Variants in DNAAF6 observed in about 807,000 individuals in gnomAD.
DNAAF6 encodes dynein axonemal assembly factor 6.
Under a neutral mutation model 13.7 loss-of-function variants are expected in DNAAF6, and 3 were observed. The observed-to-expected ratio is 0.22, with a 90% CI of 0.10 to 0.56. The LOEUF is 0.56. DNAAF6 is among the 20% of genes least tolerant of loss of function. The pLI is 0.92. For synonymous variants in DNAAF6, 54 were observed against 49.2 expected, an observed-to-expected ratio of 1.10 and a Z score of -0.41; for missense variants, 130 against 151.0, an observed-to-expected ratio of 0.86 and a Z score of 0.73.
intron 2 of DNAAF6, among the ~76,000 whole-genome samples, chrX:107,214,501 C>G (rs1301941930): frequency 9.0e-6 from 1 of 110,975 alleles, no homozygotes; most frequent in Non-Finnish European, 1.9e-5. Flanking sequence ...TTATTTGCAT[C>G]TAGAGGTGTT....
At chrX:107,211,207 T>A (rs1472403721) in intron 1 of DNAAF6, among the ~76,000 whole-genome samples, 1 of 112,376 alleles carries the variant, frequency 8.9e-6, no homozygotes, top group Admixed American at 9.5e-5. Context: ...GAATGTTTTT[T>A]TCTAAAAATT....
chrX:107,207,421 G>GAGTA, intron 1 of DNAAF6: 2 of 111,473 alleles, frequency 1.8e-5, no homozygotes, highest in South Asian at 7.7e-4. Context: ...CTGATTGGGA[G>GAGTA]AGTAAGTATT....
chrX:107,214,596 TAATG>T (rs1927933788), intron 2 of DNAAF6, among the ~76,000 whole-genome samples: 1 of 111,737 alleles, frequency 8.9e-6, no homozygotes, highest in Non-Finnish European at 1.9e-5. Flanking sequence ...ATTACTATAA[TAATG>T]TATGATTCTG....
At chrX:107,212,179 G>T (rs771630983) in intron 1 of DNAAF6, among the ~76,000 whole-genome samples, 1 of 110,929 alleles carries the variant, frequency 9.0e-6, no homozygotes, top group Non-Finnish European at 1.9e-5. Flanking sequence ...AATTAATCTG[G>T]TTTTTCTGAA....
chrX:107,207,509 C>T (rs961309328), intron 1 of DNAAF6: 3 of 111,476 alleles, frequency 2.7e-5, no homozygotes, highest in African/African-American at 9.8e-5. Flanking sequence ...GGGAGAGAAC[C>T]TAGTTTGACC....
chrX:107,240,989 A>G (rs1460189244), intron 6 of DNAAF6, among the ~76,000 whole-genome samples: 3 of 112,196 alleles, frequency 2.7e-5, no homozygotes, highest in African/African-American at 9.7e-5. Flanking sequence ...TAGCTAAAAA[A>G]GAAGTTTTCT....
intron 5 of DNAAF6, among the ~76,000 whole-genome samples, chrX:107,235,632 C>A (rs376632692): frequency 6.5e-4 from 72 of 111,429 alleles, no homozygotes; most frequent in African/African-American, 2.2e-3. Context: ...CCTAGTCAAA[C>A]CTTCAGATGT....
At chrX:107,234,518 T>A (rs1453348269) in intron 5 of DNAAF6, among the ~76,000 whole-genome samples, 2 of 112,287 alleles carry the variant, frequency 1.8e-5, no homozygotes, top group Non-Finnish European at 3.8e-5. Flanking sequence ...AATCAAAATT[T>A]CCTAATATTG....
rs1928673645 is a variant in DNAAF6, at chrX:107,243,784, A to G, written c.*486A>G. On this transcript the variant is annotated 3_prime_UTR_variant, in exon 7 of 7. Transcript: ENST00000372453. ...AAAAAATTAGAATATTTCATGGTCA[A>G]TTACATAATTGAAATATGATCATGA... is the stretch of plus-strand genomic sequence containing the variant. The G allele has an allele frequency of 8.8e-6, 1 of 113,547 alleles. No individual in the cohort carries two copies. The highest frequency in any genetic ancestry group is 1.9e-5 in the Non-Finnish European group (1 of 53,683). The allele number at this position is 113,547 out of a possible 1,213,427, so 9.4% of individuals were successfully genotyped here.
In DNAAF6 at chrX:107,219,174, A is replaced by G. The variant is rs550373483; in HGVS notation, c.332+205A>G. On this transcript the variant is annotated intron_variant, in intron 4 of 6. Coordinates refer to ENST00000372453, the MANE Select transcript of DNAAF6 (RefSeq NM_173494.2). ...AAAGCATAACACCTTCCTTTCAGTT[A>G]CTATCTAGCAAAAATGAAAAATATA... Among the ~76,000 whole-genome samples, 76 of 111,684 alleles carry G rather than the reference A, an allele frequency of 6.8e-4. No individual in the cohort carries two copies. The South Asian group carries it at 0.026, about 38-fold the overall frequency.
rs182127013 is a variant in DNAAF6 at position 107,226,770 on chromosome X, T to C, written c.429+3929T>C. Among the ~76,000 whole-genome samples the C allele has an allele frequency of 1.4e-3, 153 of 111,662 alleles. 1 individual carries two copies. The highest frequency in any genetic ancestry group is 4.7e-3 in the African/African-American group (146 of 30,771). On this transcript the variant is annotated intron_variant, in intron 5 of 6. Coordinates refer to ENST00000372453, the MANE Select transcript of DNAAF6 (RefSeq NM_173494.2). Reference sequence around the variant, plus strand: ...GATGTTTTACTTTGATAGATCTATATTGATAAGGCGACATTCTGATATGAC... The same window carrying C: ...GATGTTTTACTTTGATAGATCTATACTGATAAGGCGACATTCTGATATGAC...
intron 5 of DNAAF6, among the ~76,000 whole-genome samples, chrX:107,236,844 C>T (rs145698989): frequency 3.2e-3 from 356 of 111,655 alleles, no homozygotes; most frequent in Non-Finnish European, 4.5e-3. Flanking sequence ...TAACATGTGA[C>T]GTTAAAGATC....
chrX:107,210,910 C>T (rs770346989), intron 1 of DNAAF6, among the ~76,000 whole-genome samples: 63 of 111,318 alleles, frequency 5.7e-4, no homozygotes, highest in African/African-American at 1.8e-3. Context: ...GGACTATATC[C>T]TGAAGGACCT....
intron 5 of DNAAF6, among the ~76,000 whole-genome samples, chrX:107,231,364 G>A (rs183608003): frequency 9.0e-6 from 1 of 111,451 alleles, no homozygotes; most frequent in East Asian, 2.8e-4. Context: ...TGGTTAATGG[G>A]AACAAAAATA....
intron 4 of DNAAF6, 78 bp downstream of exon 4, chrX:107,219,047 G>C: frequency 9.7e-7 from 1 of 1,028,643 alleles, no homozygotes; most frequent in Non-Finnish European, 1.3e-6. Context: ...CTTTTTACAA[G>C]ATTCATAAAG....
At chrX:107,218,192 C>T (rs956539009) in intron 3 of DNAAF6, among the ~76,000 whole-genome samples, 1 of 111,740 alleles carries the variant, frequency 8.9e-6, no homozygotes, top group African/African-American at 3.3e-5. Flanking sequence ...TTTTTGCATG[C>T]CTACTGGAGC....
At chrX:107,209,515 C>T (rs1043072479) in intron 1 of DNAAF6, among the ~76,000 whole-genome samples, 1 of 111,577 alleles carries the variant, frequency 9.0e-6, no homozygotes, top group African/African-American at 3.3e-5. Flanking sequence ...CTCACTGCAA[C>T]GGCCACCTCC....
Position 107,238,949 on chromosome X carries a change from C to A in DNAAF6, c.457C>A (p.Pro153Thr). ...TAAAATTAAATTGCCAAATACAAAC[C>A]CTTCTGATATTCAAATTGATATCCA... ...VAKIKLPNTN[P>T]SDIQIDIQET... Residue 153 changes from proline to threonine, a missense_variant, in exon 6 of 7, where the codon CCT becomes ACT. Coordinates refer to ENST00000372453, the MANE Select transcript of DNAAF6 (RefSeq NM_173494.2). The A allele has an allele frequency of 8.3e-7, 1 of 1,210,001 alleles. No homozygotes were observed.
At chrX:107,220,901 CCCTTTCTT>C (rs1164265420) in intron 4 of DNAAF6, among the ~76,000 whole-genome samples, 1 of 79,822 alleles carries the variant, frequency 1.3e-5, no homozygotes, top group African/African-American at 4.6e-5. Flanking sequence ...CTTTCTTTCT[CCCTTTCTT>C]TCTTTCTTTC....
Sources: gnomAD v4.1 joint callset for allele counts (sites outside exome capture counted in the v4.1 genomes callset) on GRCh38, gnomAD v4.1.1 for gene constraint, MANE v1.5 for transcripts, NCBI Gene and HGNC (gene_info 2026-07-23, HGNC 2026-07-21) for gene names.